The following ADGRL3 variants were observed in gnomAD, a reference collection of about 807,000 sequenced individuals.
The protein encoded by ADGRL3 is adhesion G protein-coupled receptor L3.
Under a neutral mutation model 153.5 loss-of-function variants are expected in ADGRL3, and 62 were observed. The observed-to-expected ratio is 0.40, with a 90% CI of 0.33 to 0.50. The LOEUF is 0.50. Among genes scored for constraint, ADGRL3 ranks in the 20% least tolerant of loss-of-function variants. The probability of loss-of-function intolerance (pLI) is 0.47; values close to 1 mark genes in which losing one functional copy is unlikely to be tolerated. For missense variants in ADGRL3, 1,641 were observed against 1,859.4 expected, an observed-to-expected ratio of 0.88 and a Z score of 2.16; for synonymous variants, 710 against 672.5, an observed-to-expected ratio of 1.06 and a Z score of -0.86.
At chr4:61,582,163 CTCT>C (rs1203267444) in intron 4 of ADGRL3, among the ~76,000 whole-genome samples, 2 of 151,874 alleles carry the variant, frequency 1.3e-5, no homozygotes, top group African/African-American at 4.8e-5. Context: ...TAGGCTGTAG[CTCT>C]TATTATTTTT....
At chr4:61,710,114 C>T (rs2095940625) in intron 6 of ADGRL3, among the ~76,000 whole-genome samples, 1 of 152,042 alleles carries the variant, frequency 6.6e-6, no homozygotes, top group Admixed American at 6.6e-5. Context: ...TCATCTTATC[C>T]AGATAGTTAA....
intron 19 of ADGRL3, among the ~76,000 whole-genome samples, chr4:61,990,723 TAATTATCAACCAATCG>T (rs2099100714): frequency 6.6e-6 from 1 of 151,984 alleles, no homozygotes; most frequent in Non-Finnish European, 1.5e-5. Context: ...TGAGAATTTA[TAATTATCAACCAATCG>T]ACACCTTTAG....
chr4:61,872,184 T>A (rs1056502339), intron 9 of ADGRL3, among the ~76,000 whole-genome samples: 2 of 152,132 alleles, frequency 1.3e-5, no homozygotes, highest in African/African-American at 4.8e-5. Flanking sequence ...TGGTTCTTAG[T>A]GGCTGGATCA....
At chr4:61,230,976 A>G in intron 1 of ADGRL3, among the ~76,000 whole-genome samples, 1 of 152,192 alleles carries the variant, frequency 6.6e-6, no homozygotes. Context: ...TAGTCCAAGC[A>G]GGACTTACTA....
chr4:61,346,262 T>G, intron 1 of ADGRL3, among the ~76,000 whole-genome samples: 1 of 126,582 alleles, frequency 7.9e-6, no homozygotes. Context: ...CTCTCTCTCT[T>G]TCTCTCCCCC....
chr4:61,204,745 A>C (rs1560353919), intron 1 of ADGRL3, among the ~76,000 whole-genome samples: 1 of 149,736 alleles, frequency 6.7e-6, no homozygotes, highest in Non-Finnish European at 1.5e-5. Flanking sequence ...TGAACTATTA[A>C]TTTTTTTTTT....
chr4:61,973,243 T>C (rs946108209), intron 17 of ADGRL3, among the ~76,000 whole-genome samples: 1 of 152,094 alleles, frequency 6.6e-6, no homozygotes, highest in Non-Finnish European at 1.5e-5. Flanking sequence ...CACATTTCCC[T>C]GTTCCAGAAA....
intron 1 of ADGRL3, among the ~76,000 whole-genome samples, chr4:61,272,635 G>A (rs186147818): frequency 7.2e-5 from 11 of 151,998 alleles, no homozygotes; most frequent in Non-Finnish European, 5.9e-5. Context: ...TCAGTGTGAC[G>A]CTAATTAAAA....
intron 8 of ADGRL3, among the ~76,000 whole-genome samples, chr4:61,799,033 A>ATG (rs1561270818): frequency 7.7e-6 from 1 of 129,296 alleles, no homozygotes; most frequent in African/African-American, 2.9e-5. Context: ...ATATATATAT[A>ATG]TATATACCAT....
At chr4:61,375,479 T>C (rs939682168) in intron 1 of ADGRL3, among the ~76,000 whole-genome samples, 1 of 152,140 alleles carries the variant, frequency 6.6e-6, no homozygotes, top group African/African-American at 2.4e-5. Flanking sequence ...ATCATATGAA[T>C]CATCAAGTGT....
intron 4 of ADGRL3, among the ~76,000 whole-genome samples, chr4:61,535,197 T>C (rs1399327929): frequency 6.6e-6 from 1 of 152,122 alleles, no homozygotes; most frequent in African/African-American, 2.4e-5. Flanking sequence ...ATTGAGATGA[T>C]CACATGGCAT....
At chr4:61,727,651 CCCACAATA>C (rs1489118535) in intron 6 of ADGRL3, among the ~76,000 whole-genome samples, 3 of 152,042 alleles carry the variant, frequency 2.0e-5, no homozygotes, top group African/African-American at 7.2e-5. Context: ...GCCAATATAA[CCCACAATA>C]CCACCCATAT....
intron 1 of ADGRL3, among the ~76,000 whole-genome samples, chr4:61,251,708 A>G (rs919034095): frequency 7.2e-5 from 11 of 152,104 alleles, no homozygotes; most frequent in Admixed American, 6.5e-5. Flanking sequence ...TCAGAGGCCT[A>G]AAACTACTGT....
intron 3 of ADGRL3, among the ~76,000 whole-genome samples, chr4:61,505,380 C>T (rs769921406): frequency 1.3e-5 from 2 of 152,016 alleles, no homozygotes; most frequent in Non-Finnish European, 2.9e-5. Context: ...TGTCTCCTCA[C>T]TTTTTTATTG....
intron 9 of ADGRL3, among the ~76,000 whole-genome samples, chr4:61,823,471 A>G (rs2097773539): frequency 6.6e-6 from 1 of 152,116 alleles, no homozygotes. Flanking sequence ...CATAGATATC[A>G]CCTTTTTGAG....
intron 17 of ADGRL3, among the ~76,000 whole-genome samples, chr4:61,949,730 G>A (rs536131133): frequency 6.6e-6 from 1 of 151,936 alleles, no homozygotes; most frequent in African/African-American, 2.4e-5. Context: ...TAACTTCATA[G>A]TTTTTTAAAA....
At position 62,077,524 on chromosome 4, in the gene ADGRL3, G is replaced by C. The variant is rs1458741176; in HGVS notation, c.*6616G>C. 5 of 151,960 alleles carry C rather than the reference G, an allele frequency of 3.3e-5. No homozygotes were observed. Among genetic ancestry groups the C allele is most frequent in the Non-Finnish European group, 7.4e-5 (5 of 67,892 alleles). 9.4% of individuals were successfully genotyped at this position (151,960 alleles called of 1,614,324 possible). On this transcript the variant is annotated 3_prime_UTR_variant, in exon 27 of 27. Transcript: ENST00000683033. ...TGAAATATATTGATTGCTCTCAAAA[G>C]ATGTTTGACAAAGTTAAGTCAGTAT...
chr4:61,812,671 G>T (rs2097644468), intron 8 of ADGRL3, among the ~76,000 whole-genome samples: 1 of 151,992 alleles, frequency 6.6e-6, no homozygotes, highest in Non-Finnish European at 1.5e-5. Flanking sequence ...AATCCTAATT[G>T]CTTATTATTA....
At chr4:61,959,080 C>G (rs546071447) in intron 17 of ADGRL3, among the ~76,000 whole-genome samples, 1 of 152,232 alleles carries the variant, frequency 6.6e-6, no homozygotes, top group Admixed American at 6.5e-5. Context: ...TTAAAACCTT[C>G]CATTATTGGG....
Sources: allele counts gnomAD v4.1 joint callset (sites outside exome capture counted in the v4.1 genomes callset), GRCh38; gene constraint gnomAD v4.1.1; transcripts MANE v1.5; gene names NCBI Gene and HGNC (gene_info 2026-07-23, HGNC 2026-07-21).